Variants in WDR72 observed in about 807,000 individuals in gnomAD.
The protein encoded by WDR72 is WD repeat domain 72.
A neutral mutation model predicts 124.2 loss-of-function variants in WDR72; 120 were observed. The ratio of observed to expected loss-of-function variants is 0.97; its 90% CI spans 0.83 to 1.12. The LOEUF is 1.12. Ranked by LOEUF, WDR72 falls within the 50% of genes most tolerant of loss-of-function variation. The pLI is 0.00. For synonymous variants in WDR72, 452 were observed against 441.7 expected (o/e 1.02, Z -0.29); for missense variants, 1,387 against 1,278.8 (o/e 1.08, Z -1.29).
intron 14 of WDR72, among the ~76,000 whole-genome samples, chr15:53,654,770 A>C (rs549696908): frequency 9.2e-5 from 14 of 152,370 alleles, no homozygotes; most frequent in African/African-American, 3.1e-4. Context: ...TATCATAAAA[A>C]GTGAAAATTT....
chr15:53,730,035 G>C (rs944822159), intron 2 of WDR72, among the ~76,000 whole-genome samples: 6 of 152,144 alleles, frequency 3.9e-5, no homozygotes, highest in Non-Finnish European at 5.9e-5. Context: ...CAAAAGAGTT[G>C]AAAGCAAGGA....
chr15:53,613,037 A>G (rs2013611416), intron 16 of WDR72, among the ~76,000 whole-genome samples: 1 of 152,032 alleles, frequency 6.6e-6, no homozygotes, highest in African/African-American at 2.4e-5. Context: ...AGAGAAAGGG[A>G]AAGTAAAAAA....
At chr15:53,582,451 G>T (rs1319372987) in intron 18 of WDR72, among the ~76,000 whole-genome samples, 1 of 151,794 alleles carries the variant, frequency 6.6e-6, no homozygotes, top group African/African-American at 2.4e-5. Context: ...ATTTGATTTG[G>T]TGTAAAAATA....
chr15:53,689,168 G>A (rs150022765), intron 13 of WDR72, among the ~76,000 whole-genome samples: 1,980 of 151,954 alleles, frequency 0.013, 51 homozygotes, highest in African/African-American at 0.046. Flanking sequence ...AGGACTTCAC[G>A]TCTAAAACAC....
intron 14 of WDR72, among the ~76,000 whole-genome samples, chr15:53,660,697 GTTAT>G (rs1416324591): frequency 2.8e-4 from 42 of 151,976 alleles, no homozygotes; most frequent in African/African-American, 1.0e-3. Flanking sequence ...ATATAAGTGC[GTTAT>G]TTAAAGAAAA....
At chr15:53,667,358 A>G (rs543925618) in intron 13 of WDR72, among the ~76,000 whole-genome samples, 1 of 152,202 alleles carries the variant, frequency 6.6e-6, no homozygotes, top group Non-Finnish European at 1.5e-5. Context: ...TGTCTCAAAA[A>G]AGAATAAACA....
At chr15:53,596,029 C>T (rs776246808) in intron 18 of WDR72, among the ~76,000 whole-genome samples, 43 of 152,084 alleles carry the variant, frequency 2.8e-4, no homozygotes, top group Admixed American at 6.6e-4. Context: ...AATCAGTAAT[C>T]TCATAAAAAC....
At chr15:53,529,025 T>C (rs897937416) in intron 18 of WDR72, among the ~76,000 whole-genome samples, 1 of 151,580 alleles carries the variant, frequency 6.6e-6, no homozygotes, top group East Asian at 1.9e-4. Flanking sequence ...GGTTTACAGC[T>C]CAAGCTTAAT....
At chr15:53,752,561 A>C (rs1042302152) in intron 1 of WDR72, among the ~76,000 whole-genome samples, 6 of 152,214 alleles carry the variant, frequency 3.9e-5, no homozygotes, top group African/African-American at 4.8e-5. Context: ...CCTTCGTCTC[A>C]CCCTCAGAAG....
At chr15:53,759,972 C>T (rs76344599), upstream of WDR72, among the ~76,000 whole-genome samples, 2,970 of 149,760 alleles carry the variant, frequency 0.02, 107 homozygotes, top group African/African-American at 0.069. Flanking sequence ...GCCCAGGTGA[C>T]GTGAACTCTT....
intron 18 of WDR72, among the ~76,000 whole-genome samples, chr15:53,554,028 A>C (rs1297270951): frequency 6.6e-6 from 1 of 152,084 alleles, no homozygotes; most frequent in East Asian, 1.9e-4. Flanking sequence ...AATATGTCTA[A>C]TTTTGACACT....
chr15:53,752,986 G>A (rs2018811054), intron 1 of WDR72, among the ~76,000 whole-genome samples: 1 of 152,068 alleles, frequency 6.6e-6, no homozygotes, highest in Admixed American at 6.6e-5. Context: ...CAACCTATAA[G>A]TCAAATCCTA....
At chr15:53,578,197 C>T (rs1249219462) in intron 18 of WDR72, among the ~76,000 whole-genome samples, 1 of 152,060 alleles carries the variant, frequency 6.6e-6, no homozygotes, top group East Asian at 1.9e-4. Context: ...GACATATCCC[C>T]CTCCCTTCAG....
intron 8 of WDR72, 44 bp downstream of exon 8, chr15:53,711,291 AT>A (rs1332311002): frequency 1.2e-6 from 2 of 1,613,712 alleles, no homozygotes; most frequent in South Asian, 1.1e-5. Context: ...CCCAAAGTTC[AT>A]TTTCTACCTG....
At chr15:53,610,619 A>C (rs1313051025) in intron 16 of WDR72, among the ~76,000 whole-genome samples, 1 of 151,958 alleles carries the variant, frequency 6.6e-6, no homozygotes, top group Non-Finnish European at 1.5e-5. Flanking sequence ...GCAGTCAAGG[A>C]AAATGCAATA....
chr15:53,528,440 G>A (rs779824055), intron 18 of WDR72, among the ~76,000 whole-genome samples: 5 of 151,990 alleles, frequency 3.3e-5, no homozygotes, highest in Admixed American at 3.3e-4. Flanking sequence ...CTATTTTACA[G>A]ACAAGTTTAG....
intron 13 of WDR72, among the ~76,000 whole-genome samples, chr15:53,686,431 C>A (rs553394232): frequency 3.1e-4 from 46 of 149,824 alleles, no homozygotes; most frequent in African/African-American, 1.1e-3. Context: ...ATAAAACAGA[C>A]TTTAAACCAA....
chr15:53,736,141 C>T (rs1324248468), intron 1 of WDR72, among the ~76,000 whole-genome samples: 1 of 151,892 alleles, frequency 6.6e-6, no homozygotes, highest in Non-Finnish European at 1.5e-5. Flanking sequence ...GTGAAAAGAC[C>T]CAATATTTAT....
chr15:53,739,504 A>G (rs2018449596), intron 1 of WDR72, among the ~76,000 whole-genome samples: 1 of 152,218 alleles, frequency 6.6e-6, no homozygotes, highest in African/African-American at 2.4e-5. Flanking sequence ...TATTTCTAAG[A>G]CAAGAGTTAA....
Sources: allele counts gnomAD v4.1 joint callset (sites outside exome capture counted in the v4.1 genomes callset), GRCh38; gene constraint gnomAD v4.1.1; transcripts MANE v1.5; gene names NCBI Gene and HGNC (gene_info 2026-07-23, HGNC 2026-07-21).